Variants in PDZRN3 observed in about 807,000 individuals in gnomAD.
The protein encoded by PDZRN3 is E3 ubiquitin-protein ligase PDZRN3.
Under a neutral mutation model 85.7 loss-of-function variants are expected in PDZRN3, and 38 were observed. That is an observed-to-expected ratio of 0.44 (90% CI 0.34 to 0.58). PDZRN3 has a LOEUF of 0.58. Ranked by LOEUF, PDZRN3 falls within the 20% of genes least tolerant of loss-of-function variation. PDZRN3 has a pLI of 0.01. For synonymous variants in PDZRN3, 759 were observed against 638.0 expected (o/e 1.19, Z -2.86); for missense variants, 1,629 against 1,506.4 (o/e 1.08, Z -1.35).
chr3:73,528,029 C>A (rs978826017), intron 3 of PDZRN3, among the ~76,000 whole-genome samples: 8 of 152,218 alleles, frequency 5.3e-5, no homozygotes, highest in Non-Finnish European at 8.8e-5. Context: ...TAAACCTGGA[C>A]AAATCGCTCT....
intron 3 of PDZRN3, among the ~76,000 whole-genome samples, chr3:73,584,023 AGCCACCAACAATTAGCTTT>A (rs1380591887): frequency 6.6e-6 from 1 of 152,144 alleles, no homozygotes; most frequent in Non-Finnish European, 1.5e-5. Context: ...TGTAACATGA[AGCCACCAACAATTAGCTTT>A]GTGCTTTCCC....
At position 73,383,457 on chromosome 3, in the gene PDZRN3, A is replaced by G; in HGVS notation, c.3109T>C (p.Trp1037Arg). Residue 1037 changes from tryptophan to arginine, a missense_variant, in exon 10 of 10, where the codon TGG becomes CGG. Coordinates refer to ENST00000263666, the MANE Select transcript of PDZRN3 (RefSeq NM_015009.3). ...GTTAAGAGTTCTTGGATCGTCATCC[A>G]GTTATCGAAGATTTTCTTATTCCTC... ...KKRNKKIFDN[W>R]MTIQELLTHG... 1 of 1,614,166 alleles carries G rather than the reference A, an allele frequency of 6.2e-7. No individual in the cohort carries two copies. Among genetic ancestry groups the G allele is most frequent in the East Asian group, 2.2e-5 (1 of 44,880 alleles).
intron 3 of PDZRN3, among the ~76,000 whole-genome samples, chr3:73,452,588 G>A (rs1416980653): frequency 1.3e-5 from 2 of 152,172 alleles, no homozygotes; most frequent in Non-Finnish European, 2.9e-5. Flanking sequence ...AGGCTTCCAG[G>A]ATCATCTCAT....
intron 1 of PDZRN3, among the ~76,000 whole-genome samples, chr3:73,619,979 T>G (rs2106919094): frequency 6.6e-6 from 1 of 152,352 alleles, no homozygotes; most frequent in African/African-American, 2.4e-5. Flanking sequence ...CAAATACTGT[T>G]GATACTACTT....
At position 73,385,681 on chromosome 3, in the gene PDZRN3, G is replaced by A. The variant is rs1416829818; in HGVS notation, c.1623C>T (p.Ser541=). Residue 541 remains serine, a synonymous_variant, in exon 9 of 10, where the codon AGC becomes AGT. Coordinates refer to ENST00000263666, the MANE Select transcript of PDZRN3 (RefSeq NM_015009.3). Reference sequence around the variant, plus strand: ...GCGTGGGCGTTACCTGCTGCAGCACGCTAGCTGTGAATTGCATGGCCTGGT... The same window carrying A: ...GCGTGGGCGTTACCTGCTGCAGCACACTAGCTGTGAATTGCATGGCCTGGT... ...QHHQAMQFTA[S]VLQQKKHDED... 4.4e-6 allele frequency: 7 copies of A among 1,604,370 alleles called. No homozygotes were observed. Among genetic ancestry groups the A allele is most frequent in the South Asian group, 3.3e-5 (3 of 90,878 alleles).
At chr3:73,465,113 T>C (rs1336004868) in intron 3 of PDZRN3, among the ~76,000 whole-genome samples, 8 of 152,190 alleles carry the variant, frequency 5.3e-5, no homozygotes, top group Non-Finnish European at 7.3e-5. Context: ...CTTAATTATG[T>C]TGGAATAGGG....
chr3:73,567,613 T>C (rs1701972746), intron 3 of PDZRN3, among the ~76,000 whole-genome samples: 2 of 152,214 alleles, frequency 1.3e-5, no homozygotes, highest in South Asian at 4.1e-4. Context: ...CTGCCAGACA[T>C]GATTCAGAGA....
At chr3:73,577,943 T>C (rs573461766) in intron 3 of PDZRN3, among the ~76,000 whole-genome samples, 1 of 152,322 alleles carries the variant, frequency 6.6e-6, no homozygotes, top group South Asian at 2.1e-4. Flanking sequence ...TTGCTTTCCC[T>C]CTAGAGCAAC....
chr3:73,611,081 A>G (rs1308967565), intron 1 of PDZRN3, among the ~76,000 whole-genome samples: 1 of 152,192 alleles, frequency 6.6e-6, no homozygotes, highest in Non-Finnish European at 1.5e-5. Flanking sequence ...TCCCAATCCT[A>G]CATCTTCATT....
intron 3 of PDZRN3, among the ~76,000 whole-genome samples, chr3:73,433,097 T>G (rs1367204481): frequency 6.6e-6 from 1 of 152,230 alleles, no homozygotes; most frequent in Admixed American, 6.5e-5. Flanking sequence ...CACTTGCTTT[T>G]GAAGTTCTTA....
At chr3:73,594,212 C>T (rs1702401128) in intron 3 of PDZRN3, among the ~76,000 whole-genome samples, 1 of 152,038 alleles carries the variant, frequency 6.6e-6, no homozygotes, top group Non-Finnish European at 1.5e-5. Context: ...TTAAGGCAAC[C>T]ATGGACTAAA....
chr3:73,573,153 T>C (rs551537916), intron 3 of PDZRN3, among the ~76,000 whole-genome samples: 2 of 152,190 alleles, frequency 1.3e-5, no homozygotes, highest in Non-Finnish European at 2.9e-5. Context: ...TGACCCTCTC[T>C]GGCAAGACAA....
In PDZRN3 at chr3:73,417,873, C is replaced by T. The variant is rs148723172; in HGVS notation, c.919-13478G>A. Among the ~76,000 whole-genome samples, 185 of 152,240 alleles carry T rather than the reference C, an allele frequency of 1.2e-3. 1 individual carries two copies. Among genetic ancestry groups the T allele is most frequent in the Admixed American group, 7.0e-3 (107 of 15,282 alleles). ...GTGCAATCACTGTGAGAAATTGGTG[C>T]AGATTTCTGGAAATATTGGCTTTGC... On this transcript the variant is annotated intron_variant, in intron 3 of 9. Coordinates refer to ENST00000263666, the MANE Select transcript of PDZRN3 (RefSeq NM_015009.3).
intron 3 of PDZRN3, chr3:73,408,209 C>T: frequency 1.4e-6 from 1 of 703,072 alleles, no homozygotes; most frequent in Non-Finnish European, 2.6e-6. Context: ...GCGTTGGAAT[C>T]CTGGCTGTGG....
chr3:73,407,455 A>ATACTT (rs1041616960), intron 3 of PDZRN3, among the ~76,000 whole-genome samples: 14 of 152,220 alleles, frequency 9.2e-5, no homozygotes, highest in African/African-American at 3.1e-4. Context: ...TACATTCCTT[A>ATACTT]TACTTTAGGT....
At chr3:73,539,126 T>C (rs1168263769) in intron 3 of PDZRN3, among the ~76,000 whole-genome samples, 1 of 152,188 alleles carries the variant, frequency 6.6e-6, no homozygotes, top group African/African-American at 2.4e-5. Flanking sequence ...TCTGCTTCGC[T>C]GGCTTTACCA....
intron 3 of PDZRN3, among the ~76,000 whole-genome samples, chr3:73,576,815 T>C (rs979108755): frequency 6.6e-5 from 10 of 152,156 alleles, no homozygotes; most frequent in Non-Finnish European, 1.0e-4. Context: ...TTTAGAGTTA[T>C]AGACAAAGAA....
intron 3 of PDZRN3, among the ~76,000 whole-genome samples, chr3:73,482,812 TTCTG>T (rs1703591135): frequency 6.6e-6 from 1 of 152,180 alleles, no homozygotes; most frequent in African/African-American, 2.4e-5. Flanking sequence ...CTTACACTGT[TTCTG>T]AGGACAGGCC....
intron 3 of PDZRN3, among the ~76,000 whole-genome samples, chr3:73,585,090 C>A (rs1044214847): frequency 6.6e-6 from 1 of 152,146 alleles, no homozygotes; most frequent in African/African-American, 2.4e-5. Context: ...TAAGCAGATG[C>A]CCCACTAACT....
Sources: gnomAD v4.1 joint callset for allele counts (sites outside exome capture counted in the v4.1 genomes callset) on GRCh38, gnomAD v4.1.1 for gene constraint, MANE v1.5 for transcripts, NCBI Gene and HGNC (gene_info 2026-07-23, HGNC 2026-07-21) for gene names.